The following SYNDIG1 variants were observed in gnomAD, a reference collection of about 807,000 sequenced individuals.
SYNDIG1 encodes synapse differentiation inducing 1, also known as synapse differentiation-inducing gene protein 1.
In SYNDIG1, 9 loss-of-function variants were observed where a neutral mutation model predicts 19.4. The observed-to-expected ratio is 0.46, with a 90% CI of 0.28 to 0.81. The LOEUF is 0.81. Among genes scored for constraint, SYNDIG1 ranks in the 30% least tolerant of loss-of-function variants. The probability of loss-of-function intolerance (pLI) is 0.12; values close to 1 mark genes in which losing one functional copy is unlikely to be tolerated. For missense variants in SYNDIG1, 311 were observed against 343.3 expected, an observed-to-expected ratio of 0.91 and a Z score of 0.74; for synonymous variants, 141 against 145.9, an observed-to-expected ratio of 0.97 and a Z score of 0.24.
At position 24,543,408 on chromosome 20, in the gene SYNDIG1, A is replaced by G; in HGVS notation, c.311A>G (p.Asp104Gly). 6.2e-7 allele frequency: 1 copy of G among 1,613,398 alleles called. No individual in the cohort carries two copies. The highest frequency in any genetic ancestry group is 8.5e-7 in the Non-Finnish European group (1 of 1,179,954). The change falls in exon 2 of 4, where the codon GAC becomes GGC. Residue 104 changes from aspartate to glycine, a missense_variant. Asp to Gly is a moderately conservative substitution (Grantham distance 94, BLOSUM62 -1). Transcript: ENST00000376862. ...YSEGVLRSWGDGVAADCCETT... is the reference protein window; with the variant it reads ...YSEGVLRSWGGGVAADCCETT... ...GAGGGCGTGCTGCGCTCCTGGGGGG[A>G]CGGTGTGGCCGCCGACTGCTGCGAG...
At chr20:24,590,694 G>A (rs574196580) in intron 3 of SYNDIG1, among the ~76,000 whole-genome samples, 1 of 152,274 alleles carries the variant, frequency 6.6e-6, no homozygotes, top group East Asian at 1.9e-4. Context: ...GGCAGCACCT[G>A]CAGCGGGGCC....
chr20:24,493,130 A>G (rs1230506204), intron 1 of SYNDIG1, among the ~76,000 whole-genome samples: 3 of 152,250 alleles, frequency 2.0e-5, no homozygotes, highest in Admixed American at 6.5e-5. Context: ...GTCAAAGTCA[A>G]TTTCGTTGGA....
chr20:24,660,728 C>A (rs1350204391), intron 3 of SYNDIG1, among the ~76,000 whole-genome samples: 1 of 152,274 alleles, frequency 6.6e-6, no homozygotes, highest in Non-Finnish European at 1.5e-5. Flanking sequence ...CCAGCTTCAG[C>A]CTGCTGGCAC....
chr20:24,652,395 G>A lies in SYNDIG1; in HGVS notation c.619-12951G>A, dbSNP rs928598559. Among the ~76,000 whole-genome samples, 6 of 152,120 alleles carry A rather than the reference G, an allele frequency of 3.9e-5. No individual in the cohort carries two copies. The South Asian group carries it at 8.3e-4, about 21-fold the overall frequency. ...ATCCCAGGCTGCCTTACCGAGGAAC[G>A]TTCACAAAACTTATATGAGCTCCTC... On this transcript the variant is annotated intron_variant, in intron 3 of 3. Coordinates refer to ENST00000376862, the MANE Select transcript of SYNDIG1 (RefSeq NM_024893.3).
At chr20:24,661,405 G>GGAAAACC (rs1240981193) in intron 3 of SYNDIG1, among the ~76,000 whole-genome samples, 1 of 139,382 alleles carries the variant, frequency 7.2e-6, no homozygotes, top group African/African-American at 2.7e-5. Flanking sequence ...GAGGAGGTAG[G>GGAAAACC]AAAGAAGGAG....
chr20:24,604,630 A>G (rs947474654), intron 3 of SYNDIG1, among the ~76,000 whole-genome samples: 7 of 152,226 alleles, frequency 4.6e-5, no homozygotes, highest in African/African-American at 1.7e-4. Context: ...CAGAAAAATC[A>G]TGAAAAATCC....
At chr20:24,509,999 C>T (rs560273686) in intron 1 of SYNDIG1, among the ~76,000 whole-genome samples, 7 of 152,224 alleles carry the variant, frequency 4.6e-5, no homozygotes, top group South Asian at 4.1e-4. Flanking sequence ...GCCACCTCCC[C>T]GCTCACTCTT....
intron 1 of SYNDIG1, among the ~76,000 whole-genome samples, chr20:24,480,008 C>A (rs933218518): frequency 6.6e-6 from 1 of 152,200 alleles, no homozygotes; most frequent in South Asian, 2.1e-4. Flanking sequence ...CACACGTGCA[C>A]GCGCGCACGC....
intron 1 of SYNDIG1, among the ~76,000 whole-genome samples, chr20:24,527,249 A>AT (rs202075283): frequency 0.018 from 2,754 of 151,292 alleles, 40 homozygotes; most frequent in Middle Eastern, 0.068. Flanking sequence ...TCTGGATTAC[A>AT]TTTTTTTTCT....
chr20:24,553,473 G>C (rs2057748584), intron 2 of SYNDIG1, among the ~76,000 whole-genome samples: 4 of 152,158 alleles, frequency 2.6e-5, no homozygotes, highest in African/African-American at 9.7e-5. Flanking sequence ...AATCCATCTT[G>C]AATTAATTTT....
intron 3 of SYNDIG1, 63 bp downstream of exon 3, chr20:24,585,056 G>GCCCCCC: frequency 2.4e-5 from 13 of 545,646 alleles, no homozygotes; most frequent in Non-Finnish European, 3.4e-5. Context: ...GGTGGGGGCG[G>GCCCCCC]CAATCCCAGC....
At chr20:24,488,422 G>A (rs1319652495) in intron 1 of SYNDIG1, among the ~76,000 whole-genome samples, 1 of 152,254 alleles carries the variant, frequency 6.6e-6, no homozygotes, top group Non-Finnish European at 1.5e-5. Context: ...ACGTCTGTTT[G>A]TAACTCACTG....
At chr20:24,484,735 A>G (rs1031627599) in intron 1 of SYNDIG1, among the ~76,000 whole-genome samples, 3 of 152,250 alleles carry the variant, frequency 2.0e-5, no homozygotes, top group Non-Finnish European at 4.4e-5. Context: ...CAAAATAATG[A>G]AAAGTAGAGC....
intron 1 of SYNDIG1, among the ~76,000 whole-genome samples, chr20:24,524,582 C>A (rs1245204907): frequency 1.3e-5 from 2 of 151,398 alleles, no homozygotes; most frequent in African/African-American, 2.4e-5. Flanking sequence ...GGAGGCGGAG[C>A]TTACAGTGAG....
At chr20:24,554,814 C>G (rs987829039) in intron 2 of SYNDIG1, among the ~76,000 whole-genome samples, 9 of 151,130 alleles carry the variant, frequency 6.0e-5, no homozygotes, top group African/African-American at 2.0e-4. Flanking sequence ...TGATGCTGGC[C>G]TCTTAAAATG....
Position 24,560,875 on chromosome 20 carries a change from CAA to C in SYNDIG1, c.480+17309_480+17310del, listed in dbSNP as rs373604713. 9.1e-4 allele frequency among the ~76,000 whole-genome samples: 129 copies of C among 141,902 alleles called. 1 individual carries two copies. The highest frequency in any genetic ancestry group is 3.1e-3 in the African/African-American group (121 of 39,090). 93.1% of individuals were successfully genotyped at this position (141,902 alleles called of 152,430 possible). The stretch of plus-strand genomic sequence containing the variant: ...ATTGTTACTTGGTGTTTCTAAAAAA[CAA>C]AAAAAAAAAAGTGTTGTTTTGGGTG... On this transcript the variant is annotated intron_variant, in intron 2 of 3. Coordinates refer to ENST00000376862, the MANE Select transcript of SYNDIG1 (RefSeq NM_024893.3).
intron 3 of SYNDIG1, among the ~76,000 whole-genome samples, chr20:24,640,956 T>G (rs2059370356): frequency 1.3e-5 from 2 of 152,256 alleles, no homozygotes; most frequent in African/African-American, 4.8e-5. Flanking sequence ...TTTTGGTTGC[T>G]AAGAATTGCT....
intron 1 of SYNDIG1, among the ~76,000 whole-genome samples, chr20:24,525,375 T>A (rs2057102322): frequency 7.0e-6 from 1 of 142,334 alleles, no homozygotes; most frequent in Non-Finnish European, 1.5e-5. Flanking sequence ...CACTGCAACC[T>A]CCACCTCCTG....
At chr20:24,482,819 A>C (rs1308229630) in intron 1 of SYNDIG1, among the ~76,000 whole-genome samples, 2 of 152,220 alleles carry the variant, frequency 1.3e-5, no homozygotes, top group Admixed American at 1.3e-4. Flanking sequence ...ATGGAAAGCT[A>C]AAGGAAAATA....
Sources: gnomAD v4.1 joint callset for allele counts (sites outside exome capture counted in the v4.1 genomes callset) on GRCh38, gnomAD v4.1.1 for gene constraint, MANE v1.5 for transcripts, NCBI Gene and HGNC (gene_info 2026-07-23, HGNC 2026-07-21) for gene names.